MTTP: variants seen among roughly 807,000 people sequenced by gnomAD.
MTTP encodes the protein microsomal triglyceride transfer protein large subunit.
A neutral mutation model predicts 90.6 loss-of-function variants in MTTP; 49 were observed. That is an observed-to-expected ratio of 0.54 (90% CI 0.43 to 0.69). The LOEUF is 0.69. MTTP is among the 30% of genes least tolerant of loss of function. The pLI, the probability that MTTP is intolerant of heterozygous loss-of-function variation, is 0.00. For synonymous variants in MTTP, 347 were observed against 384.2 expected, an observed-to-expected ratio of 0.90 and a Z score of 1.13; for missense variants, 945 against 1,067.5, an observed-to-expected ratio of 0.89 and a Z score of 1.60.
intron 10 of MTTP, among the ~76,000 whole-genome samples, chr4:99,605,373 A>G (rs1725789541): frequency 6.6e-6 from 1 of 152,160 alleles, no homozygotes; most frequent in Non-Finnish European, 1.5e-5. Context: ...TCACTTAACA[A>G]TATATCATGA....
chr4:99,594,304 T>C (rs1397556513), intron 6 of MTTP, among the ~76,000 whole-genome samples: 2 of 152,142 alleles, frequency 1.3e-5, no homozygotes, highest in Non-Finnish European at 2.9e-5. Context: ...GACAGACAGG[T>C]TCTGGAAGAG....
At chr4:99,607,384 C>T (rs1027305341) in intron 11 of MTTP, among the ~76,000 whole-genome samples, 14 of 152,116 alleles carry the variant, frequency 9.2e-5, no homozygotes, top group Non-Finnish European at 1.9e-4. Context: ...AAACCATCTG[C>T]CGAGAATGGT....
upstream of MTTP, chr4:99,570,583 A>G: frequency 2.5e-6 from 1 of 405,738 alleles, no homozygotes; most frequent in South Asian, 1.8e-5. Context: ...TGGCTCCCCA[A>G]AGATCTTAAA....
At chr4:99,583,047 A>T (rs1725165992) in intron 2 of MTTP, among the ~76,000 whole-genome samples, 1 of 152,176 alleles carries the variant, frequency 6.6e-6, no homozygotes, top group African/African-American at 2.4e-5. Context: ...AAAGAAAGTG[A>T]AGTGATCAGG....
rs751358105 is a variant in MTTP at position 99,621,200 on chromosome 4, A to G, written c.2482A>G (p.Met828Val). ...TTCTCAGTACCCATTCTTAGTTTGCATGCAGATGGACAAGGATGAAGCTCC... is the reference window on the plus strand; with the variant it reads ...TTCTCAGTACCCATTCTTAGTTTGCGTGCAGATGGACAAGGATGAAGCTCC... ...QFSQYPFLVC[M>V]QMDKDEAPFR... Residue 828 changes from methionine (M) to valine (V), a missense_variant, in exon 17 of 18, where the codon ATG (methionine) becomes GTG (valine). Met to Val is a conservative substitution (Grantham distance 21). Coordinates refer to ENST00000265517, the MANE Select transcript of MTTP (RefSeq NM_001386140.1). 5.6e-6 allele frequency: 9 copies of G among 1,614,082 alleles called. No homozygotes were observed. The highest frequency in any genetic ancestry group is 1.6e-4 in the Middle Eastern group (1 of 6,062).
At chr4:99,584,776 T>C (rs995645204) in intron 3 of MTTP, among the ~76,000 whole-genome samples, 1 of 151,612 alleles carries the variant, frequency 6.6e-6, no homozygotes, top group Admixed American at 6.6e-5. Flanking sequence ...TTTGTGTTCA[T>C]TGCTAGATTA....
chr4:99,610,165 C>T (rs968558334), intron 12 of MTTP, among the ~76,000 whole-genome samples: 6 of 152,120 alleles, frequency 3.9e-5, no homozygotes, highest in South Asian at 2.1e-4. Flanking sequence ...TTCCCTCTCC[C>T]GATGACAGGA....
intron 1 of MTTP, among the ~76,000 whole-genome samples, chr4:99,565,565 A>T (rs1049565425): frequency 6.6e-6 from 1 of 152,226 alleles, no homozygotes; most frequent in African/African-American, 2.4e-5. Flanking sequence ...ATCGAGTTCT[A>T]TGCGTTTTGT....
Position 99,623,021 on chromosome 4 carries a change from C to G in MTTP, c.*173C>G. On this transcript the variant is annotated 3_prime_UTR_variant, in exon 18 of 18. Transcript: ENST00000265517. ...ATCAAATTTGGGTATATGCAGTATG[C>G]TACCCACAGCGTCATTTTGAATCAT... The G allele has an allele frequency of 1.6e-5, 11 of 676,642 alleles. No homozygotes were observed. The South Asian group carries it at 1.7e-4, about 10-fold the overall frequency. 41.9% of individuals were successfully genotyped at this position (676,642 alleles called of 1,614,324 possible). A position where few individuals can be genotyped will look rare whatever the true frequency, so the allele number is the denominator to read the frequency against.
At position 99,616,297 on chromosome 4, in the gene MTTP, G is replaced by A. The variant is rs568590770; in HGVS notation, c.2218-2677G>A. ...TAGTCCCAGCTACTCAGGAGGCTGA[G>A]GTGGGGGTGAGAGGATTGCTTGAGC... On this transcript the variant is annotated intron_variant, in intron 15 of 17. Coordinates refer to ENST00000265517, the MANE Select transcript of MTTP (RefSeq NM_001386140.1). Among the ~76,000 whole-genome samples the A allele has an allele frequency of 2.4e-4, 36 of 152,300 alleles. 2 individuals carry two copies. Among genetic ancestry groups the A allele is most frequent in the African/African-American group, 8.7e-4 (36 of 41,554 alleles).
At chr4:99,588,177 G>A (rs972343764) in intron 3 of MTTP, among the ~76,000 whole-genome samples, 4 of 152,084 alleles carry the variant, frequency 2.6e-5, no homozygotes, top group African/African-American at 9.7e-5. Context: ...TTTTCATGTA[G>A]ACTAAATTAC....
intron 8 of MTTP, among the ~76,000 whole-genome samples, chr4:99,599,063 G>C (rs1183300543): frequency 3.3e-5 from 5 of 152,154 alleles, no homozygotes; most frequent in Non-Finnish European, 7.4e-5. Context: ...TGAGAGGCAG[G>C]GTGGTGGAAT....
chr4:99,598,824 C>T (rs1227212109), intron 8 of MTTP, among the ~76,000 whole-genome samples: 2 of 151,852 alleles, frequency 1.3e-5, no homozygotes, highest in Non-Finnish European at 2.9e-5. Flanking sequence ...CCACCACACC[C>T]GGCTAATTCT....
intron 15 of MTTP, among the ~76,000 whole-genome samples, chr4:99,616,326 G>A (rs1211073220): frequency 6.6e-6 from 1 of 152,204 alleles, no homozygotes; most frequent in East Asian, 1.9e-4. Context: ...CTTGAGCCCA[G>A]CAGGTTGAGG....
intron 4 of MTTP, 89 bp from the exon 5 acceptor site, chr4:99,591,146 T>A (rs971702970): frequency 2.1e-6 from 2 of 943,704 alleles, no homozygotes; most frequent in Non-Finnish European, 3.5e-6. Context: ...TATGGCCTAT[T>A]AGAGACCTCA....
intron 2 of MTTP, among the ~76,000 whole-genome samples, chr4:99,582,845 G>T (rs1283743483): frequency 6.6e-6 from 1 of 151,948 alleles, no homozygotes; most frequent in East Asian, 1.9e-4. Context: ...TGCTTCTTTG[G>T]GTGTCTCTAA....
At chr4:99,597,525 G>A (rs562856467) in intron 8 of MTTP, among the ~76,000 whole-genome samples, 144 of 152,156 alleles carry the variant, frequency 9.5e-4, no homozygotes, top group Non-Finnish European at 1.7e-3. Context: ...TCGTGACATC[G>A]TGGGGCATGT....
chr4:99,586,237 G>A (rs1015481582), intron 3 of MTTP, among the ~76,000 whole-genome samples: 9 of 152,072 alleles, frequency 5.9e-5, no homozygotes, highest in African/African-American at 1.9e-4. Flanking sequence ...CCCTACATAA[G>A]TGGGCATAAC....
At chr4:99,603,894 T>C (rs774458029) in intron 10 of MTTP, among the ~76,000 whole-genome samples, 1 of 152,194 alleles carries the variant, frequency 6.6e-6, no homozygotes, top group Non-Finnish European at 1.5e-5. Flanking sequence ...AAATTTAAAG[T>C]TCTTCTGATA....
Sources: allele counts gnomAD v4.1 joint callset (sites outside exome capture counted in the v4.1 genomes callset), GRCh38; gene constraint gnomAD v4.1.1; transcripts MANE v1.5; gene names NCBI Gene and HGNC (gene_info 2026-07-23, HGNC 2026-07-21).